Variants in PHKG2 observed in about 807,000 individuals in gnomAD.
PHKG2 encodes phosphorylase b kinase gamma catalytic chain, liver/testis isoform.
Under a neutral mutation model 44.5 loss-of-function variants are expected in PHKG2, and 28 were observed. The ratio of observed to expected loss-of-function variants is 0.63; its 90% CI spans 0.47 to 0.86. PHKG2 has a LOEUF of 0.86. Ranked by LOEUF, PHKG2 falls within the 40% of genes least tolerant of loss-of-function variation. The probability of loss-of-function intolerance (pLI) is 0.00; values close to 1 mark genes in which losing one functional copy is unlikely to be tolerated. For missense variants in PHKG2, 498 were observed against 547.5 expected, an observed-to-expected ratio of 0.91 and a Z score of 0.90; for synonymous variants, 220 against 211.2, an observed-to-expected ratio of 1.04 and a Z score of -0.36.
chr16:30,757,869 C>G lies in PHKG2; in HGVS notation c.*772C>G. The G allele has an allele frequency of 7.5e-7, 1 of 1,336,812 alleles. No individual in the cohort carries two copies. The highest frequency in any genetic ancestry group is 2.8e-5 in the East Asian group (1 of 35,928). The allele number at this position is 1,336,812 out of a possible 1,614,324, so 82.8% of individuals were successfully genotyped here. On this transcript the variant is annotated 3_prime_UTR_variant, in exon 10 of 10. Coordinates refer to ENST00000563588, the MANE Select transcript of PHKG2 (RefSeq NM_000294.3). Reference sequence around the variant, plus strand: ...ACTTTGCAGCTTCAAATTCTGATCCCTACTCAGTAGCTGTGTGACCTTAGG... The same window carrying G: ...ACTTTGCAGCTTCAAATTCTGATCCGTACTCAGTAGCTGTGTGACCTTAGG...
At chr16:30,751,355 C>A in intron 3 of PHKG2, 74 bp downstream of exon 3, 2 of 1,511,558 alleles carry the variant, frequency 1.3e-6, no homozygotes, top group Non-Finnish European at 9.1e-7. Flanking sequence ...AGCCCACTTC[C>A]GCCAACATTG....
Position 30,759,544 on chromosome 16 carries a change from G to A in PHKG2, c.*2447G>A, listed in dbSNP as rs772676090. 7 of 1,614,008 alleles carry A rather than the reference G, an allele frequency of 4.3e-6. No homozygotes were observed. The highest frequency in any genetic ancestry group is 5.1e-6 in the Non-Finnish European group (6 of 1,180,018). Reference sequence around the variant, plus strand: ...AAAAGCCCAGCAACAGGAGCAAGGAGAGCCCACTGGGGTCTTCACAAGAAG... The same window carrying A: ...AAAAGCCCAGCAACAGGAGCAAGGAAAGCCCACTGGGGTCTTCACAAGAAG... On this transcript the variant is annotated 3_prime_UTR_variant, in exon 10 of 10. Transcript: ENST00000563588.
chr16:30,749,826 G>A (rs1245731838), intron 2 of PHKG2, among the ~76,000 whole-genome samples: 1 of 152,188 alleles, frequency 6.6e-6, no homozygotes. Flanking sequence ...CGAAGTGACT[G>A]AAATTGGCAC....
At position 30,757,301 on chromosome 16, in the gene PHKG2, C is replaced by T. The variant is rs551710249; in HGVS notation, c.*204C>T. ...TGGAAGGGAGCCATTCTGAACGCCACGCCTGGCCCGGTCAGTGCTGCATGC... is the reference window on the plus strand; with the variant it reads ...TGGAAGGGAGCCATTCTGAACGCCATGCCTGGCCCGGTCAGTGCTGCATGC... On this transcript the variant is annotated 3_prime_UTR_variant, in exon 10 of 10. Transcript: ENST00000563588. 9.8e-4 allele frequency: 1,512 copies of T among 1,536,416 alleles called. No individual in the cohort carries two copies. Among genetic ancestry groups the T allele is most frequent in the Non-Finnish European group, 1.2e-3 (1,367 of 1,149,298 alleles).
At position 30,759,862 on chromosome 16, in the gene PHKG2, T is replaced by G; in HGVS notation, c.*2765T>G. On this transcript the variant is annotated 3_prime_UTR_variant, in exon 10 of 10. Coordinates refer to ENST00000563588, the MANE Select transcript of PHKG2 (RefSeq NM_000294.3). ...AGCACTGGCTTGTTTCCTTAACTCATGTAACAAATACTGAATACCCACTAT... is the reference window on the plus strand; with the variant it reads ...AGCACTGGCTTGTTTCCTTAACTCAGGTAACAAATACTGAATACCCACTAT... 4.8e-6 allele frequency: 7 copies of G among 1,459,418 alleles called. No individual in the cohort carries two copies. The highest frequency in any genetic ancestry group is 6.3e-6 in the Non-Finnish European group (7 of 1,109,398). The allele number at this position is 1,459,418 out of a possible 1,614,324, so 90.4% of individuals were successfully genotyped here. A position where few individuals can be genotyped will look rare whatever the true frequency, so the allele number is the denominator to read the frequency against.
At chr16:30,753,882 T>A (rs2053383381) in intron 6 of PHKG2, among the ~76,000 whole-genome samples, 1 of 152,170 alleles carries the variant, frequency 6.6e-6, no homozygotes. Context: ...TTCAGCCACG[T>A]TTGGGGTCTG....
rs2053660936 is a variant in PHKG2 at position 30,760,234 on chromosome 16, C to T, written c.*3137C>T. ...CTTCCCATGGTCACTTGTGCCAGGC[C>T]CGGTTCCTCTTCTCCCTGGGGCTCA... On this transcript the variant is annotated 3_prime_UTR_variant, in exon 10 of 10. Transcript: ENST00000563588. The T allele has an allele frequency of 6.2e-7, 1 of 1,613,556 alleles. No homozygotes were observed. The highest frequency in any genetic ancestry group is 1.1e-5 in the South Asian group (1 of 91,090).
At position 30,756,698 on chromosome 16, in the gene PHKG2, C is replaced by A; in HGVS notation, c.910C>A (p.Pro304Thr). 6.2e-7 allele frequency: 1 copy of A among 1,614,090 alleles called. No individual in the cohort carries two copies. Among genetic ancestry groups the A allele is most frequent in the African/African-American group, 1.3e-5 (1 of 75,026 alleles). The part of the protein sequence containing the change: ...CEGSQPWNLT[P>T]RQRFRVAVWT... ...AGGCAGCCAACCCTGGAACCTCACCCCCCGCCAGCGGTTCCGGGTAAGCCT... is the reference window on the plus strand; with the variant it reads ...AGGCAGCCAACCCTGGAACCTCACCACCCGCCAGCGGTTCCGGGTAAGCCT... The change falls in exon 9 of 10, where the codon CCC becomes ACC. Residue 304 changes from proline (P) to threonine (T), a missense_variant. By Grantham distance (38) the Pro-to-Thr change is conservative (BLOSUM62 -1). Coordinates refer to ENST00000563588, the MANE Select transcript of PHKG2 (RefSeq NM_000294.3).
At position 30,751,019 on chromosome 16, in the gene PHKG2, C is replaced by T. The variant is rs2053336064; in HGVS notation, c.96-87C>T. The T allele has an allele frequency of 7.2e-6, 10 of 1,388,286 alleles. No homozygotes were observed. The South Asian group carries it at 1.0e-4, about 15-fold the overall frequency. The allele number at this position is 1,388,286 out of a possible 1,614,324, so 86.0% of individuals were successfully genotyped here. On this transcript the variant is annotated intron_variant, in intron 2 of 9. Coordinates refer to ENST00000563588, the MANE Select transcript of PHKG2 (RefSeq NM_000294.3). ...CCAGATGGGTCTTCAGAGTCTGGCA[C>T]AGCGGGCATGAGGATGCTGAGGCCC...
chr16:30,756,292 C>A lies in PHKG2; in HGVS notation c.647+20C>A. 1 of 1,613,926 alleles carries A rather than the reference C, an allele frequency of 6.2e-7. No individual in the cohort carries two copies. The highest frequency in any genetic ancestry group is 8.5e-7 in the Non-Finnish European group (1 of 1,179,786). On this transcript the variant is annotated intron_variant, in intron 7 of 9. Transcript: ENST00000563588. ...CGACCTGTGAGTTCCTGGTCTCCCC[C>A]TCCCTCCCGTGCTTGCTGTCCTTTG...
chr16:30,758,820 A>C lies in PHKG2; in HGVS notation c.*1723A>C. 3.2e-6 allele frequency: 3 copies of C among 934,320 alleles called. No homozygotes were observed. The highest frequency in any genetic ancestry group is 4.7e-6 in the Non-Finnish European group (3 of 644,548). 57.9% of individuals were successfully genotyped at this position (934,320 alleles called of 1,614,324 possible). ...TCCGCCTGCCTCAGATTGTGCTGGGATTACAGGTGTGAGCCACCACGCCTG... is the reference window on the plus strand; with the variant it reads ...TCCGCCTGCCTCAGATTGTGCTGGGCTTACAGGTGTGAGCCACCACGCCTG... On this transcript the variant is annotated 3_prime_UTR_variant, in exon 10 of 10. Transcript: ENST00000563588.
intron 1 of PHKG2, 108 bp downstream of exon 1, chr16:30,748,598 T>C: frequency 1.8e-6 from 1 of 562,360 alleles, no homozygotes; most frequent in Non-Finnish European, 3.2e-6. Flanking sequence ...TGGGCACATC[T>C]CCCCACTCCC....
chr16:30,760,720 G>A lies in PHKG2; in HGVS notation c.*3623G>A. On this transcript the variant is annotated 3_prime_UTR_variant, in exon 10 of 10. Coordinates refer to ENST00000563588, the MANE Select transcript of PHKG2 (RefSeq NM_000294.3). ...TGGTGGCCGTTACCTATCATGACAA[G>A]GCTGTGACAGCTAGTGCGTGAGACT... is the stretch of plus-strand genomic sequence containing the variant. The A allele has an allele frequency of 2.7e-6, 4 of 1,486,944 alleles. No homozygotes were observed. Among genetic ancestry groups the A allele is most frequent in the Non-Finnish European group, 2.8e-6 (3 of 1,088,920 alleles). 92.1% of individuals were successfully genotyped at this position (1,486,944 alleles called of 1,614,324 possible). A position where few individuals can be genotyped will look rare whatever the true frequency, so the allele number is the denominator to read the frequency against.
chr16:30,761,049 G>C lies in PHKG2; in HGVS notation c.*3952G>C. 1 of 889,310 alleles carries C rather than the reference G, an allele frequency of 1.1e-6. No homozygotes were observed. The highest frequency in any genetic ancestry group is 1.7e-6 in the Non-Finnish European group (1 of 587,046). 55.1% of individuals were successfully genotyped at this position (889,310 alleles called of 1,614,324 possible). A position where few individuals can be genotyped will look rare whatever the true frequency, so the allele number is the denominator to read the frequency against. On this transcript the variant is annotated 3_prime_UTR_variant, in exon 10 of 10. Transcript: ENST00000563588. ...CCTCCTCTTTGGACTGGAGAGGCTG[G>C]AAAGCCAACTTCCAGTCACCTGGAG...
chr16:30,750,971 T>A lies in PHKG2; in HGVS notation c.96-135T>A, dbSNP rs572128193. ...AGGCTGCTGTGAAGCCAGGGTGAGCTCCTAAGCTTGTTGCCCTGTGATCCA... is the reference window on the plus strand; with the variant it reads ...AGGCTGCTGTGAAGCCAGGGTGAGCACCTAAGCTTGTTGCCCTGTGATCCA... On this transcript the variant is annotated intron_variant, in intron 2 of 9. Transcript: ENST00000563588. The A allele has an allele frequency of 7.9e-6, 7 of 884,554 alleles. No individual in the cohort carries two copies. The Admixed American group carries it at 1.4e-4, about 17-fold the overall frequency. The allele number at this position is 884,554 out of a possible 1,614,324, so 54.8% of individuals were successfully genotyped here. A position where few individuals can be genotyped will look rare whatever the true frequency, so the allele number is the denominator to read the frequency against.
In PHKG2 at chr16:30,760,552, C is replaced by A; in HGVS notation, c.*3455C>A. ...TCAGCCATTCCTCATGTTTTCCCAA[C>A]CTGACCCCTCAGCCTTTGCCAAGAG... On this transcript the variant is annotated 3_prime_UTR_variant, in exon 10 of 10. Coordinates refer to ENST00000563588, the MANE Select transcript of PHKG2 (RefSeq NM_000294.3). 2 of 1,589,390 alleles carry A rather than the reference C, an allele frequency of 1.3e-6. No individual in the cohort carries two copies. The highest frequency in any genetic ancestry group is 1.7e-6 in the Non-Finnish European group (2 of 1,167,424).
chr16:30,760,689 G>A lies in PHKG2; in HGVS notation c.*3592G>A. 1 of 1,549,954 alleles carries A rather than the reference G, an allele frequency of 6.5e-7. No homozygotes were observed. The highest frequency in any genetic ancestry group is 8.7e-7 in the Non-Finnish European group (1 of 1,145,478). On this transcript the variant is annotated 3_prime_UTR_variant, in exon 10 of 10. Coordinates refer to ENST00000563588, the MANE Select transcript of PHKG2 (RefSeq NM_000294.3). ...ACTTCCTGTTATAGTAAAAGAAAAA[G>A]AGTATTGGTGGCCGTTACCTATCAT...
chr16:30,757,245 ACTGGCCAGGACT>A lies in PHKG2; in HGVS notation c.*152_*163del, dbSNP rs2053448355. On this transcript the variant is annotated 3_prime_UTR_variant, in exon 10 of 10. Transcript: ENST00000563588. Reference sequence around the variant, plus strand: ...AGACCAGCCCGGTACCTCTCTCCCCACTGGCCAGGACTCTGAGATCAGAGCTGGGGTGGAAGG... The same window carrying A: ...AGACCAGCCCGGTACCTCTCTCCCCACTGAGATCAGAGCTGGGGTGGAAGG... 8.3e-6 allele frequency: 13 copies of A among 1,565,150 alleles called. No homozygotes were observed. The South Asian group carries it at 1.5e-4, about 18-fold the overall frequency.
intron 4 of PHKG2, chr16:30,752,801 T>C (rs1174106218): frequency 3.3e-6 from 1 of 306,062 alleles, no homozygotes; most frequent in Non-Finnish European, 6.3e-6. Context: ...AACCTCAATT[T>C]TGAAAGTATT....
Sources: allele counts gnomAD v4.1 joint callset (sites outside exome capture counted in the v4.1 genomes callset), GRCh38; gene constraint gnomAD v4.1.1; transcripts MANE v1.5; gene names NCBI Gene and HGNC (gene_info 2026-07-23, HGNC 2026-07-21).